ALK: variants seen among roughly 807,000 people sequenced by gnomAD.
ALK encodes ALK receptor tyrosine kinase, also known as ALK tyrosine kinase receptor.
ALK carries 74 observed loss-of-function variants against 163.1 expected under a neutral mutation model. The ratio of observed to expected loss-of-function variants is 0.45; its 90% CI spans 0.38 to 0.55. The LOEUF (loss-of-function observed/expected upper bound fraction) is 0.55, where lower values mean the gene tolerates loss of function less well. ALK is among the 20% of genes least tolerant of loss of function. The pLI is 0.00. For missense variants in ALK, 2,063 were observed against 2,105.3 expected (o/e 0.98, Z 0.39); for synonymous variants, 960 against 843.2 (o/e 1.14, Z -2.40).
intron 3 of ALK, among the ~76,000 whole-genome samples, chr2:29,661,950 G>A (rs13408831): frequency 0.12 from 17,727 of 152,004 alleles, 2,211 homozygotes; most frequent in African/African-American, 0.31. Flanking sequence ...TCACTCTGTC[G>A]CTGGAATGCA....
intron 8 of ALK, among the ~76,000 whole-genome samples, chr2:29,298,528 T>A (rs1666269359): frequency 6.6e-6 from 1 of 152,150 alleles, no homozygotes; most frequent in Admixed American, 6.5e-5. Context: ...GACTGTTGAG[T>A]CTCAATGCCC....
intron 3 of ALK, among the ~76,000 whole-genome samples, chr2:29,638,780 A>G (rs187143673): frequency 6.6e-6 from 1 of 151,842 alleles, no homozygotes; most frequent in Non-Finnish European, 1.5e-5. Flanking sequence ...GAACCACAGC[A>G]CCCCCTCTCA....
chr2:29,335,900 C>T (rs188875704), intron 5 of ALK, among the ~76,000 whole-genome samples: 47 of 152,066 alleles, frequency 3.1e-4, no homozygotes, highest in African/African-American at 9.9e-4. Context: ...ATTAGCTGGG[C>T]GTGGTCATGG....
chr2:29,194,746 G>T (rs1417828495), intron 28 of ALK, among the ~76,000 whole-genome samples: 1 of 146,198 alleles, frequency 6.8e-6, no homozygotes, highest in Non-Finnish European at 1.5e-5. Context: ...TCGAACTCCT[G>T]ACCTCAGGTG....
chr2:29,208,831 A>G (rs1669383785), intron 25 of ALK, among the ~76,000 whole-genome samples: 1 of 152,204 alleles, frequency 6.6e-6, no homozygotes, highest in African/African-American at 2.4e-5. Flanking sequence ...TGTTGTAAAT[A>G]ATCAGGGAAA....
intron 5 of ALK, among the ~76,000 whole-genome samples, chr2:29,355,205 G>A (rs1206335157): frequency 6.6e-6 from 1 of 152,208 alleles, no homozygotes; most frequent in African/African-American, 2.4e-5. Context: ...TTTGTGTGGT[G>A]CATTCACAGA....
chr2:29,620,943 T>A (rs1196325550), intron 3 of ALK, among the ~76,000 whole-genome samples: 1 of 152,144 alleles, frequency 6.6e-6, no homozygotes, highest in Non-Finnish European at 1.5e-5. Context: ...AAGAACAACA[T>A]CTCAGACAAG....
At chr2:29,665,493 C>A (rs748825544) in intron 3 of ALK, among the ~76,000 whole-genome samples, 1 of 151,988 alleles carries the variant, frequency 6.6e-6, no homozygotes, top group African/African-American at 2.4e-5. Flanking sequence ...TTATGGCATC[C>A]TTTATCCTTT....
At chr2:29,327,217 G>A (rs1028003201) in intron 6 of ALK, among the ~76,000 whole-genome samples, 2 of 152,106 alleles carry the variant, frequency 1.3e-5, no homozygotes, top group African/African-American at 4.8e-5. Context: ...GTGGGGCCTC[G>A]GCAATTTGTT....
intron 1 of ALK, among the ~76,000 whole-genome samples, chr2:29,839,297 T>C (rs1487405382): frequency 6.6e-6 from 1 of 152,140 alleles, no homozygotes; most frequent in East Asian, 1.9e-4. Context: ...ATTATTTATA[T>C]AATAAGAAAG....
At chr2:29,444,411 C>T (rs945073904) in intron 4 of ALK, among the ~76,000 whole-genome samples, 2 of 152,150 alleles carry the variant, frequency 1.3e-5, no homozygotes, top group Admixed American at 6.5e-5. Flanking sequence ...GGAGCTAGGT[C>T]AGCCCAAGGC....
chr2:29,513,935 C>A (rs1672589919), intron 4 of ALK, among the ~76,000 whole-genome samples: 1 of 131,276 alleles, frequency 7.6e-6, no homozygotes, highest in Admixed American at 7.7e-5. Context: ...AAATGCAAAT[C>A]AAAACCACAA....
intron 3 of ALK, among the ~76,000 whole-genome samples, chr2:29,647,290 C>T (rs190931059): frequency 6.6e-6 from 1 of 152,276 alleles, no homozygotes; most frequent in East Asian, 1.9e-4. Flanking sequence ...AGATGAGCTG[C>T]CACTAGGTAG....
At chr2:29,281,988 TTG>T (rs1209398731) in intron 9 of ALK, among the ~76,000 whole-genome samples, 1 of 152,146 alleles carries the variant, frequency 6.6e-6, no homozygotes, top group Non-Finnish European at 1.5e-5. Context: ...ACAGAAAGGT[TTG>T]TGTCTGATGT....
chr2:29,831,631 T>C (rs186186750), intron 1 of ALK, among the ~76,000 whole-genome samples: 3 of 152,288 alleles, frequency 2.0e-5, no homozygotes, highest in Admixed American at 2.0e-4. Context: ...AACTCAAGTC[T>C]GGCCAGTGCA....
At chr2:29,441,058 G>A (rs895733932) in intron 4 of ALK, among the ~76,000 whole-genome samples, 20 of 152,194 alleles carry the variant, frequency 1.3e-4, no homozygotes, top group Admixed American at 1.3e-3. Flanking sequence ...GTTTGTCCCT[G>A]CAGGCCGGGT....
intron 26 of ALK, among the ~76,000 whole-genome samples, chr2:29,200,083 C>CTACT (rs1242510297): frequency 6.6e-6 from 1 of 152,136 alleles, no homozygotes; most frequent in Admixed American, 6.5e-5. Context: ...CTTGATTTTG[C>CTACT]TACTTACAAA....
intron 3 of ALK, among the ~76,000 whole-genome samples, chr2:29,605,108 G>A (rs1244545594): frequency 6.6e-6 from 1 of 152,146 alleles, no homozygotes; most frequent in Non-Finnish European, 1.5e-5. Context: ...CTACCTTTTT[G>A]GCATCAGGAA....
chr2:29,789,015 C>CTATGTGTG (rs369086052), intron 1 of ALK, among the ~76,000 whole-genome samples: 12 of 125,488 alleles, frequency 9.6e-5, no homozygotes, highest in African/African-American at 3.3e-4. Context: ...TCCTGGTACA[C>CTATGTGTG]TGTGTGTGTG....
Sources: allele counts gnomAD v4.1 joint callset (sites outside exome capture counted in the v4.1 genomes callset), GRCh38; gene constraint gnomAD v4.1.1; transcripts MANE v1.5; gene names NCBI Gene and HGNC (gene_info 2026-07-23, HGNC 2026-07-21).